Variants in ZFAT observed in about 807,000 individuals in gnomAD.
ZFAT encodes the protein zinc finger protein ZFAT.
In ZFAT, 64 loss-of-function variants were observed where a neutral mutation model predicts 117.7. The observed-to-expected ratio is 0.54, with a 90% confidence interval of 0.44 to 0.67. The LOEUF is 0.67. Ranked by LOEUF, ZFAT falls within the 30% of genes least tolerant of loss-of-function variation. The pLI, the probability that ZFAT is intolerant of heterozygous loss-of-function variation, is 0.00. For missense variants in ZFAT, 1,433 were observed against 1,584.5 expected, an observed-to-expected ratio of 0.90 and a Z score of 1.62; for synonymous variants, 679 against 615.0, an observed-to-expected ratio of 1.10 and a Z score of -1.54.
At chr8:134,581,384 T>A (rs1360979959) in intron 10 of ZFAT, among the ~76,000 whole-genome samples, 1 of 152,168 alleles carries the variant, frequency 6.6e-6, no homozygotes, top group Non-Finnish European at 1.5e-5. Context: ...CCTATTTCCA[T>A]CCCTTTTGCT....
At chr8:134,758,682 C>G in the ZFAT span, among the ~76,000 whole-genome samples, 5 of 152,258 alleles carry the variant, frequency 3.3e-5, no homozygotes, top group Admixed American at 2.0e-4. Context: ...CAACTTGTCT[C>G]TGGCAACTTA....
At chr8:134,546,782 G>A (rs539384257) in intron 11 of ZFAT, among the ~76,000 whole-genome samples, 1 of 152,308 alleles carries the variant, frequency 6.6e-6, no homozygotes, top group African/African-American at 2.4e-5. Context: ...GCAACTTTGA[G>A]AATGTTTGCT....
At chr8:134,788,960 T>C in the ZFAT span, among the ~76,000 whole-genome samples, 4 of 152,184 alleles carry the variant, frequency 2.6e-5, no homozygotes, top group Admixed American at 1.3e-4. Flanking sequence ...GCCTTGTATT[T>C]AAAGTATGCC....
chr8:134,636,317 A>T (rs934361798), intron 3 of ZFAT, among the ~76,000 whole-genome samples: 3 of 152,222 alleles, frequency 2.0e-5, no homozygotes, highest in Non-Finnish European at 2.9e-5. Flanking sequence ...AAACGCCCTT[A>T]TCCAGGAAGC....
At chr8:134,782,925 A>C in the ZFAT span, among the ~76,000 whole-genome samples, 1 of 151,962 alleles carries the variant, frequency 6.6e-6, no homozygotes, top group African/African-American at 2.4e-5. Flanking sequence ...CCCCTACCCC[A>C]AGCTTTAAGT....
At chr8:134,790,767 C>G in the ZFAT span, among the ~76,000 whole-genome samples, 3 of 152,144 alleles carry the variant, frequency 2.0e-5, no homozygotes, top group Non-Finnish European at 2.9e-5. Flanking sequence ...GTAATCGTAA[C>G]ACTTTGGGAG....
the ZFAT span, among the ~76,000 whole-genome samples, chr8:134,811,033 C>T: frequency 5.3e-5 from 8 of 150,920 alleles, no homozygotes; most frequent in Non-Finnish European, 1.0e-4. Context: ...ATCAAAAACA[C>T]AGAAGAGAGA....
intron 1 of ZFAT, among the ~76,000 whole-genome samples, chr8:134,660,614 A>G (rs1372333039): frequency 1.3e-5 from 2 of 152,236 alleles, no homozygotes; most frequent in South Asian, 2.1e-4. Context: ...GACATGTCAC[A>G]GAACAATCTC....
the ZFAT span, among the ~76,000 whole-genome samples, chr8:134,733,765 A>G: frequency 1.3e-5 from 2 of 152,222 alleles, no homozygotes; most frequent in Non-Finnish European, 2.9e-5. Flanking sequence ...TCACCGTGCC[A>G]TCACCTGTCC....
chr8:134,589,736 G>C (rs1035101573), intron 8 of ZFAT, among the ~76,000 whole-genome samples: 7 of 152,232 alleles, frequency 4.6e-5, no homozygotes, highest in African/African-American at 1.4e-4. Context: ...AGAATGCAAA[G>C]AATGAACAGG....
chr8:134,832,003 G>T, the ZFAT span, among the ~76,000 whole-genome samples: 1 of 148,898 alleles, frequency 6.7e-6, no homozygotes, highest in African/African-American at 2.5e-5. Context: ...TCGGGGGTCG[G>T]GCGAGGAGGC....
intron 2 of ZFAT, among the ~76,000 whole-genome samples, chr8:134,643,568 G>A (rs555725980): frequency 6.6e-6 from 1 of 152,326 alleles, no homozygotes; most frequent in South Asian, 2.1e-4. Flanking sequence ...TTTGACAGGT[G>A]ACAAAAGTCA....
chr8:134,531,901 T>A (rs545230720), intron 12 of ZFAT, among the ~76,000 whole-genome samples: 1 of 152,274 alleles, frequency 6.6e-6, no homozygotes, highest in Admixed American at 6.5e-5. Context: ...ACTCCAAGCA[T>A]CCCCAGCTGC....
chr8:134,607,585 C>A (rs1277240099), intron 5 of ZFAT, among the ~76,000 whole-genome samples: 3 of 152,236 alleles, frequency 2.0e-5, no homozygotes, highest in Non-Finnish European at 4.4e-5. Context: ...GTGCCCAGCA[C>A]ATAAGAGGTG....
chr8:134,670,196 G>A (rs899348975), intron 1 of ZFAT, among the ~76,000 whole-genome samples: 20 of 152,184 alleles, frequency 1.3e-4, no homozygotes, highest in African/African-American at 4.8e-4. Context: ...AGATCAACGA[G>A]ACAGAAAGTT....
At chr8:134,689,466 G>A (rs979827292) in intron 1 of ZFAT, among the ~76,000 whole-genome samples, 1 of 152,314 alleles carries the variant, frequency 6.6e-6, no homozygotes, top group African/African-American at 2.4e-5. Flanking sequence ...TGGTGGGTGA[G>A]AATTCCTGCC....
At chr8:134,537,959 T>A (rs530807022) in intron 11 of ZFAT, among the ~76,000 whole-genome samples, 3 of 152,096 alleles carry the variant, frequency 2.0e-5, no homozygotes, top group Non-Finnish European at 4.4e-5. Flanking sequence ...GGAAGTCATA[T>A]GGATAATGGG....
chr8:134,638,879 A>T (rs1830421076), intron 2 of ZFAT, among the ~76,000 whole-genome samples: 1 of 152,130 alleles, frequency 6.6e-6, no homozygotes, highest in African/African-American at 2.4e-5. Flanking sequence ...CCTGGCTGAC[A>T]TCCCCAATGC....
At chr8:134,634,183 C>A (rs16905204) in intron 3 of ZFAT, among the ~76,000 whole-genome samples, 4,977 of 152,188 alleles carry the variant, frequency 0.033, 263 homozygotes, top group African/African-American at 0.11. Context: ...CGCTAGAAAA[C>A]AGCTTGTTAA....
Sources: gnomAD v4.1 joint callset for allele counts (sites outside exome capture counted in the v4.1 genomes callset) on GRCh38, gnomAD v4.1.1 for gene constraint, MANE v1.5 for transcripts, NCBI Gene and HGNC (gene_info 2026-07-23, HGNC 2026-07-21) for gene names.